The following MOGAT2 variants were observed in gnomAD, a reference collection of about 807,000 sequenced individuals.
MOGAT2 encodes the protein monoacylglycerol O-acyltransferase 2.
Under a neutral mutation model 31.5 loss-of-function variants are expected in MOGAT2, and 27 were observed. That is an observed-to-expected ratio of 0.86 (90% confidence interval 0.63 to 1.18). The LOEUF (loss-of-function observed/expected upper bound fraction) is 1.18, where lower values mean the gene tolerates loss of function less well. Among genes scored for constraint, MOGAT2 ranks in the 50% most tolerant of loss-of-function variants. MOGAT2 has a pLI of 0.00. For synonymous variants in MOGAT2, 163 were observed against 170.0 expected (o/e 0.96, Z 0.32); for missense variants, 436 against 433.2 (o/e 1.01, Z -0.06).
rs766801101 is a variant in MOGAT2, at chr11:75,731,199, G to A, written c.918G>A (p.Gln306=). The A allele has an allele frequency of 1.6e-5, 26 of 1,614,036 alleles. No individual in the cohort carries two copies. The highest frequency in any genetic ancestry group is 5.3e-5 in the African/African-American group (4 of 74,884). The change falls in exon 6 of 6, where the codon CAG becomes CAA. Residue 306 remains glutamine, a synonymous_variant. Transcript: ENST00000198801. ...PSEEEVNQLH[Q]RYIKELCNLF... The stretch of plus-strand genomic sequence containing the variant: ...AGGAGGAGGTGAACCAGCTGCACCA[G>A]CGTTATATCAAAGAGCTGTGCAACC...
chr11:75,724,346 G>T lies in MOGAT2; in HGVS notation c.271-3089G>T, dbSNP rs889155053. On this transcript the variant is annotated intron_variant, in intron 2 of 5. Coordinates refer to ENST00000198801, the MANE Select transcript of MOGAT2 (RefSeq NM_025098.4). Reference sequence around the variant, plus strand: ...TAATCTTCACAGGGATGTTGTGATAGATTTGGGTCCAGGGGACAGATGGAA... The same window carrying T: ...TAATCTTCACAGGGATGTTGTGATATATTTGGGTCCAGGGGACAGATGGAA... Among the ~76,000 whole-genome samples, 3 of 152,332 alleles carry T rather than the reference G, an allele frequency of 2.0e-5. No individual in the cohort carries two copies. The South Asian group carries it at 6.2e-4, about 32-fold the overall frequency.
Position 75,722,491 on chromosome 11 carries a change from G to C in MOGAT2, c.270+2321G>C, listed in dbSNP as rs140831352. ...TGAGCTGAATCCCAAGCTCACCGGG[G>C]GGGAAAGGAAAAGCAGCCTGAAAAG... On this transcript the variant is annotated intron_variant, in intron 2 of 5. Coordinates refer to ENST00000198801, the MANE Select transcript of MOGAT2 (RefSeq NM_025098.4). 3.7e-3 allele frequency among the ~76,000 whole-genome samples: 569 copies of C among 152,342 alleles called. 3 individuals are homozygous for C. Among genetic ancestry groups the C allele is most frequent in the African/African-American group, 0.013 (546 of 41,570 alleles).
At chr11:75,727,921 A>G in intron 3 of MOGAT2, 49 bp from the exon 4 acceptor site, 2 of 1,521,490 alleles carry the variant, frequency 1.3e-6, no homozygotes, top group Non-Finnish European at 1.8e-6. Context: ...GTACTTTCAT[A>G]GCCCCTGCTC....
rs902914598 is a variant in MOGAT2 at position 75,728,401 on chromosome 11, A to G, written c.650+257A>G. 9 of 626,146 alleles carry G rather than the reference A, an allele frequency of 1.4e-5. No individual in the cohort carries two copies. In the African/African-American group the frequency reaches 1.6e-4, roughly 11 times the overall value. 38.8% of individuals were successfully genotyped at this position (626,146 alleles called of 1,614,324 possible). On this transcript the variant is annotated intron_variant, in intron 4 of 5. Coordinates refer to ENST00000198801, the MANE Select transcript of MOGAT2 (RefSeq NM_025098.4). Reference sequence around the variant, plus strand: ...TGGCATTTGATCTGAGATCTGTGGTATCTAGAAGAGTGATATTTGGGGTAC... The same window carrying G: ...TGGCATTTGATCTGAGATCTGTGGTGTCTAGAAGAGTGATATTTGGGGTAC...
intron 2 of MOGAT2, among the ~76,000 whole-genome samples, chr11:75,725,822 G>C (rs1944417396): frequency 6.6e-6 from 1 of 152,182 alleles, no homozygotes. Flanking sequence ...CTGAGGGAGT[G>C]CACATTGCAG....
At chr11:75,725,304 G>A (rs1944412006) in intron 2 of MOGAT2, among the ~76,000 whole-genome samples, 1 of 152,102 alleles carries the variant, frequency 6.6e-6, no homozygotes, top group African/African-American at 2.4e-5. Flanking sequence ...CTGTACTTTG[G>A]GAGGCTAAGG....
At chr11:75,722,044 T>A (rs1202382468) in intron 2 of MOGAT2, among the ~76,000 whole-genome samples, 1 of 152,186 alleles carries the variant, frequency 6.6e-6, no homozygotes, top group Admixed American at 6.5e-5. Context: ...ACTGCCGTGC[T>A]CACGAAGGGT....
chr11:75,731,195 A>C lies in MOGAT2; in HGVS notation c.914A>C (p.His305Pro). 6.2e-7 allele frequency: 1 copy of C among 1,614,156 alleles called. No individual in the cohort carries two copies. Among genetic ancestry groups the C allele is most frequent in the Non-Finnish European group, 8.5e-7 (1 of 1,180,036 alleles). The change falls in exon 6 of 6, where the codon CAC becomes CCC. Residue 305 changes from histidine (H) to proline (P), a missense_variant. Transcript: ENST00000198801. The stretch of plus-strand genomic sequence containing the variant: ...TCGGAGGAGGAGGTGAACCAGCTGC[A>C]CCAGCGTTATATCAAAGAGCTGTGC... ...HPSEEEVNQL[H>P]QRYIKELCNL...
chr11:75,727,978 A>T lies in MOGAT2; in HGVS notation c.484A>T (p.Thr162Ser), dbSNP rs768548675. The change falls in exon 4 of 6, where the codon ACA (threonine) becomes TCA (serine). Residue 162 changes from threonine (T) to serine (S), a missense_variant. Physicochemically the swap from Thr to Ser is moderately conservative, Grantham distance 58. Transcript: ENST00000198801. ...CTTTTCTCTTTCCCTAGGGTTGGTC[A>T]CATCAGAAAAGGAGAGTGCTGCTCA... is the stretch of plus-strand genomic sequence containing the variant. ...RDYIMSAGLV[T>S]SEKESAAHIL... 8.1e-6 allele frequency: 13 copies of T among 1,607,482 alleles called. No individual in the cohort carries two copies. The highest frequency in any genetic ancestry group is 6.7e-5 in the Admixed American group (4 of 59,340).
intron 4 of MOGAT2, chr11:75,728,486 A>G (rs1362474446): frequency 1.8e-6 from 1 of 548,038 alleles, no homozygotes; most frequent in Admixed American, 3.1e-5. Flanking sequence ...GAGCCAGCTG[A>G]GGTGGGAGAT....
chr11:75,723,947 CCACAG>C (rs1313879201), intron 2 of MOGAT2, among the ~76,000 whole-genome samples: 3 of 152,142 alleles, frequency 2.0e-5, no homozygotes, highest in African/African-American at 7.2e-5. Context: ...GGGAGACAGA[CCACAG>C]CACTTCACAA....
chr11:75,726,716 T>G (rs557135615), intron 2 of MOGAT2, among the ~76,000 whole-genome samples: 186 of 145,336 alleles, frequency 1.3e-3, no homozygotes, highest in African/African-American at 5.0e-3. Flanking sequence ...TTTTTTTTTT[T>G]GAGACTGAGT....
rs188477320 is a variant in MOGAT2, at chr11:75,729,314, G to A, written c.850+325G>A. ...TTTTTTTAAGAGTTTTGCTCTTGTCGCTCAGCCTGGAGTGCAATGGCACAA... is the reference window on the plus strand; with the variant it reads ...TTTTTTTAAGAGTTTTGCTCTTGTCACTCAGCCTGGAGTGCAATGGCACAA... On this transcript the variant is annotated intron_variant, in intron 5 of 5. Coordinates refer to ENST00000198801, the MANE Select transcript of MOGAT2 (RefSeq NM_025098.4). Among the ~76,000 whole-genome samples the A allele has an allele frequency of 1.1e-3, 167 of 152,214 alleles. 1 individual carries two copies. The highest frequency in any genetic ancestry group is 2.9e-3 in the Admixed American group (44 of 15,292).
At chr11:75,729,075 T>C in intron 5 of MOGAT2, 86 bp downstream of exon 5, 1 of 1,298,484 alleles carries the variant, frequency 7.7e-7, no homozygotes, top group Non-Finnish European at 1.1e-6. Context: ...ATGAGCCAGA[T>C]TTATTCCTGC....
intron 2 of MOGAT2, 117 bp from the exon 3 acceptor site, chr11:75,727,318 T>C: frequency 3.5e-6 from 3 of 865,830 alleles, no homozygotes; most frequent in Non-Finnish European, 3.5e-6. Flanking sequence ...TGGTCAGACA[T>C]ATGGATGAAG....
At chr11:75,720,289 T>C in intron 2 of MOGAT2, 119 bp downstream of exon 2, 1 of 1,145,434 alleles carries the variant, frequency 8.7e-7, no homozygotes, top group Non-Finnish European at 1.2e-6. Context: ...GGTACTGGGC[T>C]GGGAGGCAGG....
chr11:75,726,696 A>AT (rs1186269725), intron 2 of MOGAT2, among the ~76,000 whole-genome samples: 24,629 of 123,120 alleles, frequency 0.2, 2,873 homozygotes, highest in East Asian at 0.28. Flanking sequence ...AGGAACATTG[A>AT]TTTTTTTTTT....
chr11:75,718,197 G>C (rs1944346643), intron 1 of MOGAT2, among the ~76,000 whole-genome samples: 1 of 152,206 alleles, frequency 6.6e-6, no homozygotes, highest in African/African-American at 2.4e-5. Context: ...CTCTGGGCAG[G>C]TTACTTACTC....
At chr11:75,726,376 T>G in intron 2 of MOGAT2, among the ~76,000 whole-genome samples, 1 of 152,098 alleles carries the variant, frequency 6.6e-6, no homozygotes, top group African/African-American at 2.4e-5. Context: ...AAGTGCCAAT[T>G]TTTTGCCCCG....
Sources: allele counts gnomAD v4.1 joint callset (sites outside exome capture counted in the v4.1 genomes callset), GRCh38; gene constraint gnomAD v4.1.1; transcripts MANE v1.5; gene names NCBI Gene and HGNC (gene_info 2026-07-23, HGNC 2026-07-21).